Variants in ST8SIA2 observed in about 807,000 individuals in gnomAD.
ST8SIA2 encodes ST8 alpha-N-acetyl-neuraminide alpha-2,8-sialyltransferase 2.
ST8SIA2 carries 22 observed loss-of-function variants against 37.6 expected under a neutral mutation model. That is an observed-to-expected ratio of 0.58 (90% CI 0.42 to 0.83). The LOEUF is 0.83. Ranked by LOEUF, ST8SIA2 falls within the 40% of genes least tolerant of loss-of-function variation. The probability of loss-of-function intolerance (pLI) is 0.00; values close to 1 mark genes in which losing one functional copy is unlikely to be tolerated. For missense variants in ST8SIA2, 382 were observed against 484.7 expected (o/e 0.79, Z 1.99); for synonymous variants, 205 against 201.2 (o/e 1.02, Z -0.16).
At chr15:92,403,433 C>A (rs574641221) in intron 1 of ST8SIA2, among the ~76,000 whole-genome samples, 7 of 152,308 alleles carry the variant, frequency 4.6e-5, no homozygotes, top group Admixed American at 4.6e-4. Flanking sequence ...ATAGAATAGA[C>A]TCATCATGTC....
chr15:92,448,227 A>AG lies in ST8SIA2; in HGVS notation c.842+3303dup, dbSNP rs1167040125. Among the ~76,000 whole-genome samples the AG allele has an allele frequency of 3.9e-5, 6 of 152,338 alleles. No individual in the cohort carries two copies. In the East Asian group the frequency reaches 1.2e-3, roughly 29 times the overall value. ...CAGGAGATTAGCCTCTTCTTTTAGCAGGGGGAGAAGAAGGGGAAAAGGAGG... is the reference window on the plus strand; with the variant it reads ...CAGGAGATTAGCCTCTTCTTTTAGCAGGGGGGAGAAGAAGGGGAAAAGGAGG... On this transcript the variant is annotated intron_variant, in intron 5 of 5. Transcript: ENST00000268164.
chr15:92,423,284 G>A (rs1049160743), intron 1 of ST8SIA2, among the ~76,000 whole-genome samples: 1 of 152,192 alleles, frequency 6.6e-6, no homozygotes, highest in Non-Finnish European at 1.5e-5. Context: ...GATGGGCCAG[G>A]CGCAGTGGCT....
chr15:92,423,844 T>G (rs902941242), intron 1 of ST8SIA2, among the ~76,000 whole-genome samples: 1 of 152,216 alleles, frequency 6.6e-6, no homozygotes, highest in African/African-American at 2.4e-5. Flanking sequence ...GATGGTAAAT[T>G]TCATGTTATA....
rs925222956 is a variant in ST8SIA2, at chr15:92,438,665, A to G, written c.548+55A>G. ...CAGAGCGGCGGGCAGGCTGTGTTTCAGTGGAGCATTGCCAGCTGTCCCAAG... is the reference window on the plus strand; with the variant it reads ...CAGAGCGGCGGGCAGGCTGTGTTTCGGTGGAGCATTGCCAGCTGTCCCAAG... On this transcript the variant is annotated intron_variant, in intron 4 of 5. Coordinates refer to ENST00000268164, the MANE Select transcript of ST8SIA2 (RefSeq NM_006011.4). The G allele has an allele frequency of 3.3e-6, 5 of 1,522,446 alleles. No homozygotes were observed. The African/African-American group carries it at 4.2e-5, about 13-fold the overall frequency. 94.3% of individuals were successfully genotyped at this position (1,522,446 alleles called of 1,614,324 possible). A position where few individuals can be genotyped will look rare whatever the true frequency, so the allele number is the denominator to read the frequency against.
chr15:92,395,823 G>C (rs915424270), intron 1 of ST8SIA2, among the ~76,000 whole-genome samples: 1 of 152,142 alleles, frequency 6.6e-6, no homozygotes, highest in Non-Finnish European at 1.5e-5. Context: ...GGGAAGGCCC[G>C]GCGCTGCCCA....
chr15:92,399,601 T>C (rs1213098435), intron 1 of ST8SIA2, among the ~76,000 whole-genome samples: 1 of 150,612 alleles, frequency 6.6e-6, no homozygotes, highest in Non-Finnish European at 1.5e-5. Context: ...CGATGCATTT[T>C]TTTTTAAAAA....
intron 1 of ST8SIA2, among the ~76,000 whole-genome samples, chr15:92,415,578 CACA>C (rs2049580769): frequency 6.6e-6 from 1 of 151,904 alleles, no homozygotes; most frequent in Non-Finnish European, 1.5e-5. Context: ...ACCCCGCCCC[CACA>C]ACAAGAGGAC....
At chr15:92,401,237 G>A (rs906374021) in intron 1 of ST8SIA2, among the ~76,000 whole-genome samples, 1 of 152,228 alleles carries the variant, frequency 6.6e-6, no homozygotes, top group Admixed American at 6.5e-5. Context: ...TTCCGGAGAG[G>A]CACTGTGGGG....
At chr15:92,424,888 T>C (rs1466811465) in intron 1 of ST8SIA2, among the ~76,000 whole-genome samples, 1 of 152,192 alleles carries the variant, frequency 6.6e-6, no homozygotes, top group Non-Finnish European at 1.5e-5. Flanking sequence ...AAAATTGACA[T>C]TCTAAAATGT....
intron 5 of ST8SIA2, among the ~76,000 whole-genome samples, chr15:92,459,817 C>T (rs900428830): frequency 6.6e-6 from 1 of 152,120 alleles, no homozygotes; most frequent in African/African-American, 2.4e-5. Context: ...CAGGCCAACT[C>T]CTGACCTCAG....
At chr15:92,404,267 G>A (rs879331430) in intron 1 of ST8SIA2, among the ~76,000 whole-genome samples, 3 of 152,292 alleles carry the variant, frequency 2.0e-5, no homozygotes, top group Admixed American at 6.5e-5. Context: ...GAAGATTAAG[G>A]CTCCAGTCTT....
intron 1 of ST8SIA2, 140 bp downstream of exon 1, chr15:92,394,302 A>G: frequency 1.2e-6 from 1 of 829,282 alleles, no homozygotes; most frequent in Non-Finnish European, 2.0e-6. Flanking sequence ...GTTTGGCAGA[A>G]GGTGGCGGCG....
chr15:92,423,730 T>C (rs1295424171), intron 1 of ST8SIA2, among the ~76,000 whole-genome samples: 1 of 152,278 alleles, frequency 6.6e-6, no homozygotes, highest in Non-Finnish European at 1.5e-5. Context: ...CCCTTAGACC[T>C]AAACACCTGC....
chr15:92,444,623 T>C lies in ST8SIA2; in HGVS notation c.549-13T>C. ...CTTTCCCAAAAGGATCATGTTGCCT[T>C]TTTCTCCGGCAGGTGCAACCTGGCC... On this transcript the variant is annotated splice_polypyrimidine_tract_variant and intron_variant, in intron 4 of 5. Transcript: ENST00000268164. 6.2e-7 allele frequency: 1 copy of C among 1,614,172 alleles called. No homozygotes were observed. Among genetic ancestry groups the C allele is most frequent in the African/African-American group, 1.3e-5 (1 of 75,058 alleles).
chr15:92,438,498 A>G lies in ST8SIA2; in HGVS notation c.436A>G (p.Thr146Ala). 3 of 1,614,196 alleles carry G rather than the reference A, an allele frequency of 1.9e-6. No individual in the cohort carries two copies. Among genetic ancestry groups the G allele is most frequent in the Non-Finnish European group, 2.5e-6 (3 of 1,180,048 alleles). Reference protein sequence around the residue: ...SQNLYELLPRTSPLKNKHFGT... With the variant: ...SQNLYELLPRASPLKNKHFGT... ...GAACCTCTACGAGCTCCTCCCCAGG[A>G]CTTCGCCACTGAAGAATAAGCACTT... Residue 146 changes from threonine (T) to alanine (A), a missense_variant, in exon 4 of 6, where the codon ACT (threonine) becomes GCT (alanine). Transcript: ENST00000268164.
chr15:92,434,318 A>T lies in ST8SIA2; in HGVS notation c.233A>T (p.Asn78Ile). ...AGAAGTAATGAAAGCATCAAGCACA[A>T]CATCCAGCCAGCCTCGTCCAAATGG... is the stretch of plus-strand genomic sequence containing the variant. ...VDRSNESIKH[N>I]IQPASSKWRH... The change falls in exon 3 of 6, where the codon AAC (asparagine) becomes ATC (isoleucine). Residue 78 changes from asparagine to isoleucine, a missense_variant. Transcript: ENST00000268164. 1 of 1,614,168 alleles carries T rather than the reference A, an allele frequency of 6.2e-7. No homozygotes were observed. The highest frequency in any genetic ancestry group is 8.5e-7 in the Non-Finnish European group (1 of 1,180,032).
In ST8SIA2 at chr15:92,457,610, T is replaced by C. The variant is rs150604995; in HGVS notation, c.843-6490T>C. ...TAGTTTGTGTTTTAACACCCAGCTG[T>C]TATCCTAAGGAAAGGAATAGTCTTC... On this transcript the variant is annotated intron_variant, in intron 5 of 5. Coordinates refer to ENST00000268164, the MANE Select transcript of ST8SIA2 (RefSeq NM_006011.4). 1.3e-3 allele frequency among the ~76,000 whole-genome samples: 201 copies of C among 152,322 alleles called. 2 individuals are homozygous for C. Among genetic ancestry groups the C allele is most frequent in the African/African-American group, 4.5e-3 (187 of 41,566 alleles).
chr15:92,426,741 T>C (rs2049679035), intron 1 of ST8SIA2, among the ~76,000 whole-genome samples: 1 of 152,216 alleles, frequency 6.6e-6, no homozygotes, highest in South Asian at 2.1e-4. Flanking sequence ...TAATACTGTA[T>C]TGTGTACTTG....
intron 5 of ST8SIA2, among the ~76,000 whole-genome samples, chr15:92,448,464 T>C (rs1397656419): frequency 6.6e-6 from 1 of 152,126 alleles, no homozygotes; most frequent in Non-Finnish European, 1.5e-5. Context: ...CAAGGGATTG[T>C]AGAGAGGAAG....
Sources: gnomAD v4.1 joint callset for allele counts (sites outside exome capture counted in the v4.1 genomes callset) on GRCh38, gnomAD v4.1.1 for gene constraint, MANE v1.5 for transcripts, NCBI Gene and HGNC (gene_info 2026-07-23, HGNC 2026-07-21) for gene names.